PHACTR3: variants seen among roughly 807,000 people sequenced by gnomAD.
PHACTR3 encodes phosphatase and actin regulator 3, also known as protein phosphatase 1, regulatory subunit 123.
PHACTR3 carries 16 observed loss-of-function variants against 66.8 expected under a neutral mutation model. The ratio of observed to expected loss-of-function variants is 0.24; its 90% CI spans 0.16 to 0.36. PHACTR3 has a LOEUF of 0.36. Among genes scored for constraint, PHACTR3 ranks in the 10% least tolerant of loss-of-function variants. The probability of loss-of-function intolerance (pLI) is 1.00; values close to 1 mark genes in which losing one functional copy is unlikely to be tolerated. For synonymous variants in PHACTR3, 323 were observed against 292.1 expected (o/e 1.11, Z -1.08); for missense variants, 647 against 719.9 (o/e 0.90, Z 1.16).
chr20:59,836,455 T>C (rs368287227), intron 8 of PHACTR3, 50 bp from the exon 9 acceptor site: 52 of 1,578,446 alleles, frequency 3.3e-5, no homozygotes, highest in Admixed American at 5.5e-5. Flanking sequence ...CAGGTGGAAT[T>C]TGCAGGCAGC....
intron 1 of PHACTR3, among the ~76,000 whole-genome samples, chr20:59,597,024 T>A (rs915676994): frequency 6.6e-6 from 1 of 152,116 alleles, no homozygotes; most frequent in Non-Finnish European, 1.5e-5. Flanking sequence ...ATGGAGTCAG[T>A]GTTTGGTGCA....
chr20:59,799,178 T>C (rs1035454792), intron 7 of PHACTR3, among the ~76,000 whole-genome samples: 6 of 78,392 alleles, frequency 7.7e-5, no homozygotes, highest in African/African-American at 2.1e-4. Flanking sequence ...TTGGCATTTA[T>C]TGAAGCTTAT....
chr20:59,813,091 GTT>G (rs1278526181), intron 8 of PHACTR3, among the ~76,000 whole-genome samples: 7 of 152,202 alleles, frequency 4.6e-5, no homozygotes, highest in Non-Finnish European at 1.5e-5. Context: ...TAATGAGGTG[GTT>G]ATGGTCCACG....
chr20:59,768,612 G>A (rs2040261413), intron 5 of PHACTR3, among the ~76,000 whole-genome samples: 2 of 152,210 alleles, frequency 1.3e-5, no homozygotes, highest in South Asian at 2.1e-4. Context: ...ATGAAAGAGG[G>A]AACTGCCACC....
intron 8 of PHACTR3, among the ~76,000 whole-genome samples, chr20:59,821,980 G>GATCCCACCCCCTCCCCAGCA (rs2042043947): frequency 1.7e-5 from 1 of 58,162 alleles, no homozygotes; most frequent in Non-Finnish European, 3.2e-5. Flanking sequence ...TTTCTGCAGC[G>GATCCCACCCCCTCCCCAGCA]ATCCCACCCC....
chr20:59,657,874 A>G (rs972220976), intron 1 of PHACTR3, among the ~76,000 whole-genome samples: 1 of 152,120 alleles, frequency 6.6e-6, no homozygotes, highest in Non-Finnish European at 1.5e-5. Context: ...GGCTTTAGCC[A>G]TTATTTCTTT....
At chr20:59,804,121 TG>T (rs1239603469) in intron 7 of PHACTR3, among the ~76,000 whole-genome samples, 1 of 152,236 alleles carries the variant, frequency 6.6e-6, no homozygotes, top group African/African-American at 2.4e-5. Flanking sequence ...TAGCAAAACC[TG>T]GTAACCTTCT....
intron 10 of PHACTR3, 38 bp downstream of exon 10, chr20:59,840,468 G>A (rs181357165): frequency 8.1e-6 from 13 of 1,609,064 alleles, no homozygotes; most frequent in Non-Finnish European, 1.0e-5. Context: ...AATAAAAGGT[G>A]GTCTAGAGAA....
chr20:59,837,025 G>A (rs2058979182), intron 9 of PHACTR3, among the ~76,000 whole-genome samples: 1 of 152,210 alleles, frequency 6.6e-6, no homozygotes, highest in African/African-American at 2.4e-5. Context: ...TGAGGTTCCA[G>A]GACCCTCTGT....
In PHACTR3 at chr20:59,604,672, CACTG is replaced by C. The variant is rs2146330909; in HGVS notation, c.-340_-337del. 1 of 1,000,394 alleles carries C rather than the reference CACTG, an allele frequency of 1.0e-6. No homozygotes were observed. Among genetic ancestry groups the C allele is most frequent in the Non-Finnish European group, 1.2e-6 (1 of 840,304 alleles). 62.0% of individuals were successfully genotyped at this position (1,000,394 alleles called of 1,614,324 possible). On this transcript the variant is annotated 5_prime_UTR_variant, in exon 1 of 13. Coordinates refer to ENST00000371015, the MANE Select transcript of PHACTR3 (RefSeq NM_080672.5). ...CCCCCTGCCCCAAGCACGCAATAAACACTGACAAGAAAAAGTTTTTATTTCCTGG... is the reference window on the plus strand; with the variant it reads ...CCCCCTGCCCCAAGCACGCAATAAACACAAGAAAAAGTTTTTATTTCCTGG...
chr20:59,639,823 G>A (rs2035037065), intron 1 of PHACTR3, among the ~76,000 whole-genome samples: 1 of 152,120 alleles, frequency 6.6e-6, no homozygotes, highest in Non-Finnish European at 1.5e-5. Context: ...TTTTCTCTTA[G>A]ACTCTTGGAA....
chr20:59,582,424 G>A (rs564488777), intron 1 of PHACTR3, among the ~76,000 whole-genome samples: 151 of 152,258 alleles, frequency 9.9e-4, no homozygotes, highest in Middle Eastern at 6.8e-3. Context: ...CACTGAGCAC[G>A]TCTGTACAAG....
At chr20:59,779,580 T>C (rs1175303503) in intron 7 of PHACTR3, among the ~76,000 whole-genome samples, 1 of 152,260 alleles carries the variant, frequency 6.6e-6, no homozygotes, top group Non-Finnish European at 1.5e-5. Context: ...CAACAACTAC[T>C]ATTTTATTCA....
At chr20:59,827,595 C>A (rs1853645869) in intron 8 of PHACTR3, among the ~76,000 whole-genome samples, 1 of 152,138 alleles carries the variant, frequency 6.6e-6, no homozygotes, top group African/African-American at 2.4e-5. Context: ...AGAGAGGAGA[C>A]TGGCTGCACC....
At chr20:59,585,614 T>G (rs1342756527) in intron 1 of PHACTR3, among the ~76,000 whole-genome samples, 1 of 152,150 alleles carries the variant, frequency 6.6e-6, no homozygotes, top group Non-Finnish European at 1.5e-5. Context: ...GACTGGCGCA[T>G]TTTTGTGTGC....
intron 4 of PHACTR3, among the ~76,000 whole-genome samples, chr20:59,763,080 G>C (rs1010596394): frequency 2.6e-5 from 4 of 152,120 alleles, no homozygotes; most frequent in Non-Finnish European, 5.9e-5. Flanking sequence ...TAATCTCCAC[G>C]TGTCAAGGGA....
chr20:59,653,658 C>A (rs1025096507), intron 1 of PHACTR3, among the ~76,000 whole-genome samples: 4 of 152,000 alleles, frequency 2.6e-5, no homozygotes, highest in African/African-American at 9.7e-5. Context: ...ATAGGACTAA[C>A]TTGGAGAAAG....
At chr20:59,840,061 C>T (rs1448809560) in intron 9 of PHACTR3, among the ~76,000 whole-genome samples, 2 of 152,112 alleles carry the variant, frequency 1.3e-5, no homozygotes, top group Non-Finnish European at 2.9e-5. Context: ...GAAAGACAGA[C>T]ACAGAGGTGT....
chr20:59,591,278 C>A (rs971906618), intron 1 of PHACTR3, among the ~76,000 whole-genome samples: 28 of 152,202 alleles, frequency 1.8e-4, no homozygotes, highest in African/African-American at 6.5e-4. Flanking sequence ...CCAGGCTGAG[C>A]CATCAGAGTC....
Sources: gnomAD v4.1 joint callset for allele counts (sites outside exome capture counted in the v4.1 genomes callset) on GRCh38, gnomAD v4.1.1 for gene constraint, MANE v1.5 for transcripts, NCBI Gene and HGNC (gene_info 2026-07-23, HGNC 2026-07-21) for gene names.